Variants in PACRG observed in about 807,000 individuals in gnomAD.
PACRG encodes parkin coregulated gene protein.
Under a neutral mutation model 29.7 loss-of-function variants are expected in PACRG, and 29 were observed. The ratio of observed to expected loss-of-function variants is 0.98; its 90% CI spans 0.73 to 1.33. PACRG has a LOEUF of 1.33. PACRG is among the 40% of genes most tolerant of loss of function. The probability of loss-of-function intolerance (pLI) is 0.00; values close to 1 mark genes in which losing one functional copy is unlikely to be tolerated. For synonymous variants in PACRG, 116 were observed against 118.7 expected (o/e 0.98, Z 0.15); for missense variants, 279 against 316.2 (o/e 0.88, Z 0.89).
At chr6:163,234,955 G>A (rs980879608) in intron 4 of PACRG, among the ~76,000 whole-genome samples, 6 of 152,248 alleles carry the variant, frequency 3.9e-5, no homozygotes, top group African/African-American at 9.6e-5. Flanking sequence ...TGTTGGTAAC[G>A]TTTTGGGTTA....
intron 2 of PACRG, among the ~76,000 whole-genome samples, chr6:162,872,233 GTGCTC>G: frequency 1.8e-3 from 1 of 562 alleles, no homozygotes; most frequent in Non-Finnish European, 3.7e-3. Context: ...TGAGAGCTCA[GTGCTC>G]AGTGTCATTG....
At chr6:163,233,084 G>A (rs958199685) in intron 4 of PACRG, among the ~76,000 whole-genome samples, 6 of 152,222 alleles carry the variant, frequency 3.9e-5, no homozygotes, top group Non-Finnish European at 8.8e-5. Context: ...CTCTTGTATT[G>A]TGATGTTACA....
chr6:163,070,780 A>AAAAGACCT (rs1286874397), intron 3 of PACRG, among the ~76,000 whole-genome samples: 5 of 151,980 alleles, frequency 3.3e-5, no homozygotes, highest in Non-Finnish European at 7.4e-5. Flanking sequence ...TTAAAAAAAA[A>AAAAGACCT]AAAGACCTAA....
chr6:163,308,014 A>G (rs898294640), intron 4 of PACRG, among the ~76,000 whole-genome samples: 1 of 152,232 alleles, frequency 6.6e-6, no homozygotes, highest in African/African-American at 2.4e-5. Flanking sequence ...TAGTAAATTC[A>G]GTCCAAGCTA....
chr6:162,955,466 A>AT (rs1799949881), intron 2 of PACRG, among the ~76,000 whole-genome samples: 2 of 151,658 alleles, frequency 1.3e-5, no homozygotes, highest in African/African-American at 4.8e-5. Context: ...CACCCGGCTA[A>AT]TTTTTTGTAT....
chr6:163,228,262 G>A (rs1338152634), intron 4 of PACRG, among the ~76,000 whole-genome samples: 2 of 151,378 alleles, frequency 1.3e-5, no homozygotes, highest in Admixed American at 1.3e-4. Flanking sequence ...AAGTACTTGT[G>A]GTATCAGAAG....
At chr6:162,735,625 C>G (rs1359486771) in intron 1 of PACRG, among the ~76,000 whole-genome samples, 1 of 151,994 alleles carries the variant, frequency 6.6e-6, no homozygotes, top group Non-Finnish European at 1.5e-5. Context: ...TTTTTTCCAT[C>G]TATATTCTAA....
At chr6:163,032,511 G>A (rs974543659) in intron 2 of PACRG, among the ~76,000 whole-genome samples, 3 of 152,116 alleles carry the variant, frequency 2.0e-5, no homozygotes, top group Admixed American at 1.3e-4. Context: ...TCAAAAACAC[G>A]ATTAACAAAG....
chr6:163,033,233 C>G (rs962109308), intron 2 of PACRG, among the ~76,000 whole-genome samples: 3 of 152,070 alleles, frequency 2.0e-5, no homozygotes, highest in Non-Finnish European at 4.4e-5. Context: ...GATGAAAAAC[C>G]TGGTTAGTAA....
Position 162,821,154 on chromosome 6 carries a change from C to T in PACRG, c.291+6873C>T, listed in dbSNP as rs184310808. On this transcript the variant is annotated intron_variant, in intron 2 of 4. Transcript: ENST00000366888. ...ATTTTCTGCTGAATGGGCTGGTGCTCCCTGCTGCCTATATAATTTATGTGA... is the reference window on the plus strand; with the variant it reads ...ATTTTCTGCTGAATGGGCTGGTGCTTCCTGCTGCCTATATAATTTATGTGA... 2.6e-3 allele frequency among the ~76,000 whole-genome samples: 395 copies of T among 152,252 alleles called. 1 individual carries two copies. The highest frequency in any genetic ancestry group is 3.6e-3 in the Non-Finnish European group (244 of 68,014).
At chr6:162,829,175 T>C (rs950027262) in intron 2 of PACRG, among the ~76,000 whole-genome samples, 3 of 152,142 alleles carry the variant, frequency 2.0e-5, no homozygotes, top group Non-Finnish European at 4.4e-5. Context: ...AAACAGGAAA[T>C]GATGAGACAC....
At chr6:163,194,475 C>T (rs1013513242) in intron 4 of PACRG, among the ~76,000 whole-genome samples, 2 of 152,064 alleles carry the variant, frequency 1.3e-5, no homozygotes, top group African/African-American at 2.4e-5. Flanking sequence ...CAGGAAACCC[C>T]GGCGCCTCCA....
intron 4 of PACRG, among the ~76,000 whole-genome samples, chr6:163,157,591 C>T (rs556031513): frequency 1.3e-5 from 2 of 152,294 alleles, no homozygotes; most frequent in African/African-American, 2.4e-5. Context: ...CTGCAGAGCT[C>T]GTGGGCTGCT....
intron 2 of PACRG, among the ~76,000 whole-genome samples, chr6:162,879,428 G>T (rs180779074): frequency 2.6e-3 from 392 of 152,272 alleles, no homozygotes; most frequent in Non-Finnish European, 2.8e-3. Context: ...AGTTGGCCTG[G>T]TATTCATGAC....
intron 2 of PACRG, among the ~76,000 whole-genome samples, chr6:162,839,374 G>A (rs1308256472): frequency 1.2e-4 from 15 of 130,250 alleles, no homozygotes; most frequent in Admixed American, 1.1e-3. Context: ...TGTGTTTTTT[G>A]GCTGCATAAA....
chr6:162,784,419 G>A (rs905791486), intron 1 of PACRG, among the ~76,000 whole-genome samples: 4 of 152,212 alleles, frequency 2.6e-5, no homozygotes, highest in African/African-American at 7.2e-5. Context: ...AGAGCTGCAA[G>A]ATGGAAAGAT....
chr6:162,960,609 G>A (rs928769837), intron 2 of PACRG, among the ~76,000 whole-genome samples: 2 of 152,160 alleles, frequency 1.3e-5, no homozygotes, highest in African/African-American at 4.8e-5. Context: ...TACTAGAGGA[G>A]GGAGGAAGGG....
At chr6:162,933,948 G>C (rs781261240) in intron 2 of PACRG, among the ~76,000 whole-genome samples, 1 of 152,068 alleles carries the variant, frequency 6.6e-6, no homozygotes, top group Admixed American at 6.6e-5. Flanking sequence ...TTAACAACCA[G>C]CCTTCACATA....
At chr6:162,815,547 T>C (rs1264898461) in intron 2 of PACRG, among the ~76,000 whole-genome samples, 1 of 151,548 alleles carries the variant, frequency 6.6e-6, no homozygotes, top group Non-Finnish European at 1.5e-5. Flanking sequence ...TAGGAAACCT[T>C]ACTATAAAAT....
Sources: gnomAD v4.1 joint callset for allele counts (sites outside exome capture counted in the v4.1 genomes callset) on GRCh38, gnomAD v4.1.1 for gene constraint, MANE v1.5 for transcripts, NCBI Gene and HGNC (gene_info 2026-07-23, HGNC 2026-07-21) for gene names.